The following MALRD1 variants were observed in gnomAD, a reference collection of about 807,000 sequenced individuals.
MALRD1 encodes MAM and LDL-receptor class A domain-containing protein 1.
Under a neutral mutation model 242.1 loss-of-function variants are expected in MALRD1, and 247 were observed. That is an observed-to-expected ratio of 1.02 (90% CI 0.92 to 1.13). MALRD1 has a LOEUF of 1.13. Ranked by LOEUF, MALRD1 falls within the 50% of genes most tolerant of loss-of-function variation. The pLI, the probability that MALRD1 is intolerant of heterozygous loss-of-function variation, is 0.00. For missense variants in MALRD1, 2,989 were observed against 2,533.1 expected, an observed-to-expected ratio of 1.18 and a Z score of -3.86; for synonymous variants, 995 against 866.6, an observed-to-expected ratio of 1.15 and a Z score of -2.60.
At chr10:19,306,365 CGT>C (rs879923197) in intron 21 of MALRD1, among the ~76,000 whole-genome samples, 11,703 of 132,794 alleles carry the variant, frequency 0.088, 1,140 homozygotes, top group Non-Finnish European at 0.1. Context: ...TATATAGTGT[CGT>C]ATATATACCG....
intron 21 of MALRD1, among the ~76,000 whole-genome samples, chr10:19,291,671 C>T (rs922326740): frequency 2.6e-5 from 4 of 152,082 alleles, no homozygotes; most frequent in East Asian, 1.9e-4. Context: ...AAAAGAGGGT[C>T]GCTTTCTCAC....
At chr10:19,077,143 A>G (rs958738151) in intron 2 of MALRD1, among the ~76,000 whole-genome samples, 3 of 151,846 alleles carry the variant, frequency 2.0e-5, no homozygotes, top group Admixed American at 6.6e-5. Context: ...TATTGATTTT[A>G]TATCCTATAT....
chr10:19,334,617 G>A (rs1024142265), intron 24 of MALRD1, among the ~76,000 whole-genome samples: 1 of 151,756 alleles, frequency 6.6e-6, no homozygotes, highest in Non-Finnish European at 1.5e-5. Flanking sequence ...AAAATCACTT[G>A]ACTATATATT....
intron 32 of MALRD1, among the ~76,000 whole-genome samples, chr10:19,538,116 G>A (rs937815756): frequency 1.2e-4 from 19 of 152,134 alleles, no homozygotes; most frequent in African/African-American, 4.3e-4. Flanking sequence ...TAGTATAGTC[G>A]TGAGATCAAA....
intron 38 of MALRD1, among the ~76,000 whole-genome samples, chr10:19,727,000 T>A (rs1835057137): frequency 6.6e-6 from 1 of 152,186 alleles, no homozygotes; most frequent in Non-Finnish European, 1.5e-5. Flanking sequence ...TATAAAAACA[T>A]TTTGGAAATA....
chr10:19,471,814 G>GGT, intron 29 of MALRD1, among the ~76,000 whole-genome samples: 1 of 151,506 alleles, frequency 6.6e-6, no homozygotes, highest in East Asian at 1.9e-4. Context: ...TTCTAACAGG[G>GGT]TTTTCTTTGT....
At chr10:19,733,177 T>A (rs1017310305) in intron 39 of MALRD1, among the ~76,000 whole-genome samples, 7 of 152,246 alleles carry the variant, frequency 4.6e-5, no homozygotes, top group Non-Finnish European at 7.3e-5. Context: ...AGAATATTCA[T>A]GGCAACATTC....
chr10:19,139,804 C>T (rs1214287031), intron 10 of MALRD1, among the ~76,000 whole-genome samples: 2 of 152,202 alleles, frequency 1.3e-5, no homozygotes, highest in African/African-American at 4.8e-5. Flanking sequence ...ACCTCAGGCC[C>T]TGGCCCAGCC....
chr10:19,544,368 A>G (rs969419295), intron 32 of MALRD1, among the ~76,000 whole-genome samples: 1 of 151,788 alleles, frequency 6.6e-6, no homozygotes, highest in Non-Finnish European at 1.5e-5. Context: ...TTGTATTTTT[A>G]GTAGAGAATG....
chr10:19,119,472 G>T (rs1323079045), intron 5 of MALRD1, among the ~76,000 whole-genome samples: 3 of 152,136 alleles, frequency 2.0e-5, no homozygotes, highest in Admixed American at 2.0e-4. Flanking sequence ...GTTGGGGGAA[G>T]CCAGTGAGCC....
intron 2 of MALRD1, among the ~76,000 whole-genome samples, chr10:19,082,962 A>G (rs1423938741): frequency 6.6e-6 from 1 of 152,042 alleles, no homozygotes; most frequent in Non-Finnish European, 1.5e-5. Context: ...TGTCTGATGA[A>G]GGACGACTTC....
chr10:19,402,104 A>G (rs1846881083), intron 28 of MALRD1, among the ~76,000 whole-genome samples: 1 of 152,154 alleles, frequency 6.6e-6, no homozygotes, highest in African/African-American at 2.4e-5. Flanking sequence ...TTAACAATGC[A>G]TGTTATACCC....
At chr10:19,539,859 TGTGTGTG>T (rs1340414979) in intron 32 of MALRD1, among the ~76,000 whole-genome samples, 1 of 35,432 alleles carries the variant, frequency 2.8e-5, no homozygotes, top group East Asian at 1.0e-3. Context: ...GCTTTGTGCG[TGTGTGTG>T]TGTGTGTGTG....
chr10:19,428,064 T>A (rs1317977038), intron 28 of MALRD1, among the ~76,000 whole-genome samples: 1 of 150,946 alleles, frequency 6.6e-6, no homozygotes, highest in Non-Finnish European at 1.5e-5. Flanking sequence ...AGCATCAACG[T>A]TCCCACCTTG....
intron 18 of MALRD1, among the ~76,000 whole-genome samples, chr10:19,221,795 C>G (rs955312358): frequency 3.3e-5 from 5 of 151,596 alleles, no homozygotes; most frequent in African/African-American, 1.2e-4. Flanking sequence ...TGGAAATATA[C>G]AGGAAAATCC....
At chr10:19,640,178 C>T (rs748870679) in intron 36 of MALRD1, among the ~76,000 whole-genome samples, 1 of 152,164 alleles carries the variant, frequency 6.6e-6, no homozygotes, top group Non-Finnish European at 1.5e-5. Context: ...CAACCTCCAC[C>T]TCCCAGGTTC....
chr10:19,539,909 T>TGTGTGC (rs1564425579), intron 32 of MALRD1, among the ~76,000 whole-genome samples: 1 of 25,734 alleles, frequency 3.9e-5, no homozygotes, highest in East Asian at 1.6e-3. Flanking sequence ...CGCGCGCGCG[T>TGTGTGC]GCGCGCACAC....
chr10:19,406,142 C>G (rs1021401705), intron 28 of MALRD1, among the ~76,000 whole-genome samples: 2 of 152,140 alleles, frequency 1.3e-5, no homozygotes, highest in African/African-American at 4.8e-5. Flanking sequence ...CCACCAAATG[C>G]TATACCAGTG....
At chr10:19,725,267 G>A (rs1377503813) in intron 38 of MALRD1, among the ~76,000 whole-genome samples, 1 of 152,152 alleles carries the variant, frequency 6.6e-6, no homozygotes, top group Non-Finnish European at 1.5e-5. Flanking sequence ...AAGCATGGGG[G>A]TGGTTACCCT....
Sources: allele counts gnomAD v4.1 joint callset (sites outside exome capture counted in the v4.1 genomes callset), GRCh38; gene constraint gnomAD v4.1.1; transcripts MANE v1.5; gene names NCBI Gene and HGNC (gene_info 2026-07-23, HGNC 2026-07-21).